The following DMBT1 variants were observed in gnomAD, a reference collection of about 807,000 sequenced individuals.
DMBT1 encodes deleted in malignant brain tumors 1.
A neutral mutation model predicts 252.9 loss-of-function variants in DMBT1; 198 were observed. The ratio of observed to expected loss-of-function variants is 0.78; its 90% CI spans 0.70 to 0.88. The LOEUF (loss-of-function observed/expected upper bound fraction) is 0.88. Among genes scored for constraint, DMBT1 ranks in the 40% least tolerant of loss-of-function variants. DMBT1 has a pLI of 0.00. For synonymous variants in DMBT1, 990 were observed against 942.7 expected, an observed-to-expected ratio of 1.05 and a Z score of -0.92; for missense variants, 2,432 against 2,404.7, an observed-to-expected ratio of 1.01 and a Z score of -0.24.
intron 45 of DMBT1, 97 bp downstream of exon 45, chr10:122,625,400 G>T (rs1281287866): frequency 1.7e-6 from 2 of 1,190,346 alleles, no homozygotes; most frequent in Non-Finnish European, 1.2e-6. Context: ...CTCCCCCTGG[G>T]GGGGTAATTT....
At chr10:122,579,991 G>C (rs560044823) in intron 10 of DMBT1, 90 bp downstream of exon 10, 2 of 1,587,654 alleles carry the variant, frequency 1.3e-6, no homozygotes, top group East Asian at 4.5e-5. Context: ...CTCACTCAAA[G>C]CTTCTATGTT....
intron 54 of DMBT1, among the ~76,000 whole-genome samples, chr10:122,639,145 A>C (rs943457486): frequency 6.6e-6 from 1 of 152,220 alleles, no homozygotes; most frequent in Non-Finnish European, 1.5e-5. Flanking sequence ...CCAAGAAATA[A>C]ATCTGCACTC....
chr10:122,634,220 G>A (rs535654096), intron 52 of DMBT1, among the ~76,000 whole-genome samples: 2 of 152,278 alleles, frequency 1.3e-5, no homozygotes, highest in Non-Finnish European at 2.9e-5. Flanking sequence ...CTTCATGTGA[G>A]TTCCCCAGGG....
chr10:122,587,875 C>T (rs1449723761), intron 16 of DMBT1, among the ~76,000 whole-genome samples: 1 of 148,434 alleles, frequency 6.7e-6, no homozygotes, highest in Admixed American at 6.7e-5. Flanking sequence ...ATGGGGCAGG[C>T]AAACCCTTTG....
intron 15 of DMBT1, among the ~76,000 whole-genome samples, 155 bp from the exon 16 acceptor site, chr10:122,585,904 CT>C (rs1462827536): frequency 6.7e-6 from 1 of 148,954 alleles, no homozygotes; most frequent in Non-Finnish European, 1.5e-5. Context: ...GCTTCTTTGA[CT>C]TTGATGAAGC....
chr10:122,597,445 G>A (rs1310762752), intron 24 of DMBT1, among the ~76,000 whole-genome samples: 1 of 152,100 alleles, frequency 6.6e-6, no homozygotes, highest in African/African-American at 2.4e-5. Flanking sequence ...CATGGCTGCC[G>A]CCACAGGCAA....
At position 122,630,467 on chromosome 10, in the gene DMBT1, C is replaced by A. The variant is rs1170381782; in HGVS notation, c.6002C>A (p.Ala2001Asp). 1 of 1,613,966 alleles carries A rather than the reference C, an allele frequency of 6.2e-7. No homozygotes were observed. The highest frequency in any genetic ancestry group is 8.5e-7 in the Non-Finnish European group (1 of 1,179,888). Reference sequence around the variant, plus strand: ...AGTTTCCAAAACACTGGCTTTTTGGCTTGGTATAACTCCTTCCCAAGCGGT... The same window carrying A: ...AGTTTCCAAAACACTGGCTTTTTGGATTGGTATAACTCCTTCCCAAGCGGT... ...DISFQNTGFL[A>D]WYNSFPSDAT... is the part of the protein sequence containing the mutation. Residue 2001 changes from alanine to aspartate, a missense_variant, in exon 48 of 56, where the codon GCT (alanine) becomes GAT (aspartate). Physicochemically the swap from Ala to Asp is moderately radical, Grantham distance 126. This residue lies in a region of DMBT1 where 1,162 missense variants were observed against 1,169.0 expected (regional missense o/e 0.99). Coordinates refer to ENST00000338354, the MANE Select transcript of DMBT1 (RefSeq NM_001377530.1).
chr10:122,643,208 A>G lies in DMBT1; in HGVS notation c.7439A>G (p.Asn2480Ser). The G allele has an allele frequency of 6.2e-7, 1 of 1,613,428 alleles. No individual in the cohort carries two copies. The highest frequency in any genetic ancestry group is 8.5e-7 in the Non-Finnish European group (1 of 1,179,744). Residue 2480 changes from asparagine to serine, a missense_variant, in exon 56 of 56, where the codon AAC (asparagine) becomes AGC (serine). By Grantham distance (46) the Asn-to-Ser change is conservative (BLOSUM62 1). Around this residue, in one of 3 missense-constraint regions of DMBT1, gnomAD observed 1,162 missense variants for 1,169.0 expected, o/e 0.99. Transcript: ENST00000338354. ...RFRFRAFHFL[N>S]RFPSVYLRCK... ...CGGTTCAGGGCCTTCCACTTCCTGA[A>G]CCGCTTCCCCTCCGTGTACCTGCGT...
At chr10:122,619,373 C>A in intron 42 of DMBT1, 36 bp downstream of exon 42, 1 of 1,613,802 alleles carries the variant, frequency 6.2e-7, no homozygotes, top group South Asian at 1.1e-5. Flanking sequence ...GATGTCCCTT[C>A]TCTTTCTGCC....
At chr10:122,564,577 CA>C (rs2097573878) in intron 1 of DMBT1, among the ~76,000 whole-genome samples, 1 of 150,814 alleles carries the variant, frequency 6.6e-6, no homozygotes. Context: ...CTTTTTGTAT[CA>C]CATACATTTT....
intron 26 of DMBT1, among the ~76,000 whole-genome samples, chr10:122,599,399 A>G (rs1455632588): frequency 1.3e-5 from 2 of 152,150 alleles, no homozygotes; most frequent in Non-Finnish European, 1.5e-5. Context: ...GCTGAGTAGC[A>G]CGGTGTGAGG....
At position 122,573,767 on chromosome 10, in the gene DMBT1, C is replaced by T. The variant is rs372835037; in HGVS notation, c.283+5C>T. ...TGGAGTCAACTGTAGCAGAAGGTAA[C>T]GTCTACTATGGGGGATCCCTGTAGG... is the stretch of plus-strand genomic sequence containing the variant. On this transcript the variant is annotated splice_donor_5th_base_variant and intron_variant, in intron 6 of 55. Transcript: ENST00000338354. 8.1e-6 allele frequency: 13 copies of T among 1,613,676 alleles called. No individual in the cohort carries two copies. Among genetic ancestry groups the T allele is most frequent in the South Asian group, 1.1e-5 (1 of 91,070 alleles).
At chr10:122,618,984 C>T (rs1327151384) in intron 41 of DMBT1, among the ~76,000 whole-genome samples, 1 of 152,220 alleles carries the variant, frequency 6.6e-6, no homozygotes, top group East Asian at 1.9e-4. Context: ...TCACACAAGG[C>T]ATTTGGGCTG....
chr10:122,567,330 G>T (rs1431577105), intron 2 of DMBT1, among the ~76,000 whole-genome samples: 1 of 152,188 alleles, frequency 6.6e-6, no homozygotes, highest in Non-Finnish European at 1.5e-5. Context: ...GGCATAGAAG[G>T]TAGGGTGTTT....
chr10:122,573,341 A>T (rs2981803), intron 5 of DMBT1, among the ~76,000 whole-genome samples: 97,074 of 151,804 alleles, frequency 0.64, 31,501 homozygotes, highest in Admixed American at 0.73. Context: ...CCTTCTCAGA[A>T]ATATTTCAGT....
At chr10:122,634,051 C>T (rs1409988641) in intron 52 of DMBT1, among the ~76,000 whole-genome samples, 2 of 152,142 alleles carry the variant, frequency 1.3e-5, no homozygotes, top group East Asian at 1.9e-4. Context: ...GTGGGAGAAT[C>T]GCTAGAGCCC....
chr10:122,618,142 A>T lies in DMBT1; in HGVS notation c.5017A>T (p.Asn1673Tyr). The T allele has an allele frequency of 6.2e-7, 1 of 1,613,964 alleles. No individual in the cohort carries two copies. Among genetic ancestry groups the T allele is most frequent in the Non-Finnish European group, 8.5e-7 (1 of 1,179,882 alleles). The change falls in exon 41 of 56, where the codon AAC becomes TAC. Residue 1673 changes from asparagine to tyrosine, a missense_variant. Transcript: ENST00000338354. The part of the protein sequence containing the change: ...CDDYWDTNDA[N>Y]VVCRQLGCGW... ...TGACTACTGGGACACCAATGATGCC[A>T]ACGTGGTCTGCAGGCAGCTGGGCTG... is the stretch of plus-strand genomic sequence containing the variant.
At chr10:122,629,765 C>T (rs1211385839) in intron 46 of DMBT1, 75 bp from the exon 47 acceptor site, 6 of 1,537,604 alleles carry the variant, frequency 3.9e-6, no homozygotes, top group African/African-American at 1.4e-5. Flanking sequence ...CTGGATGATA[C>T]TTACACAGAT....
chr10:122,585,200 C>T lies in DMBT1; in HGVS notation c.1421-71C>T, dbSNP rs986280415. On this transcript the variant is annotated intron_variant, in intron 14 of 55. Coordinates refer to ENST00000338354, the MANE Select transcript of DMBT1 (RefSeq NM_001377530.1). ...TAGTTTTCATGATGCTCGCCTTCTC[C>T]GGAGACTTTTCCTTTTGGAGATTTT... The T allele has an allele frequency of 5.1e-5, 79 of 1,546,698 alleles. 7 individuals are homozygous for T. The Admixed American group carries it at 6.9e-4, about 14-fold the overall frequency.
Sources: gnomAD v4.1 joint callset for allele counts (sites outside exome capture counted in the v4.1 genomes callset) on GRCh38, gnomAD v4.1.1 for gene constraint, gnomAD v4.1.1 regional missense constraint, MANE v1.5 for transcripts, NCBI Gene and HGNC (gene_info 2026-07-23, HGNC 2026-07-21) for gene names.